The following LRRIQ1 variants were observed in gnomAD, a reference collection of about 807,000 sequenced individuals.
LRRIQ1 encodes the protein leucine rich repeats and IQ motif containing 1.
A neutral mutation model predicts 211.9 loss-of-function variants in LRRIQ1; 210 were observed. That is an observed-to-expected ratio of 0.99 (90% CI 0.89 to 1.11). LRRIQ1 has a LOEUF of 1.11. LRRIQ1 is among the 50% of genes most tolerant of loss of function. LRRIQ1 has a pLI of 0.00. For missense variants in LRRIQ1, 2,136 were observed against 1,939.5 expected, an observed-to-expected ratio of 1.10 and a Z score of -1.90; for synonymous variants, 699 against 650.1, an observed-to-expected ratio of 1.08 and a Z score of -1.14.
chr12:85,047,178 TA>T, intron 5 of LRRIQ1, 68 bp from the exon 6 acceptor site: 1 of 1,186,182 alleles, frequency 8.4e-7, no homozygotes, highest in East Asian at 2.5e-5. Context: ...AAATTACTTT[TA>T]TACTTTGAAT....
chr12:85,175,783 T>A (rs1275133689), intron 24 of LRRIQ1, among the ~76,000 whole-genome samples: 10 of 152,162 alleles, frequency 6.6e-5, no homozygotes, highest in African/African-American at 2.4e-4. Flanking sequence ...CATTGCTTGT[T>A]TTTGTTAGGT....
chr12:85,244,768 A>G (rs1384372780), intron 26 of LRRIQ1, 21 bp from the exon 27 acceptor site: 13 of 1,606,430 alleles, frequency 8.1e-6, no homozygotes, highest in Non-Finnish European at 1.1e-5. Context: ...GATTGTATAC[A>G]TTCTCTTCCA....
At chr12:85,228,246 T>C (rs905225911) in intron 24 of LRRIQ1, among the ~76,000 whole-genome samples, 2 of 152,062 alleles carry the variant, frequency 1.3e-5, no homozygotes, top group African/African-American at 4.8e-5. Context: ...ACCTACAGAA[T>C]GGGAGAAAAT....
chr12:85,140,774 C>G (rs1223546639), intron 19 of LRRIQ1, among the ~76,000 whole-genome samples: 1 of 151,128 alleles, frequency 6.6e-6, no homozygotes, highest in Admixed American at 6.6e-5. Context: ...TCCTTAGAAT[C>G]TTAGAGATTA....
intron 18 of LRRIQ1, among the ~76,000 whole-genome samples, chr12:85,136,244 G>A (rs1215229673): frequency 6.6e-6 from 1 of 151,816 alleles, no homozygotes; most frequent in Non-Finnish European, 1.5e-5. Flanking sequence ...GAAAAAAATG[G>A]GCTACTCAGA....
intron 23 of LRRIQ1, among the ~76,000 whole-genome samples, chr12:85,155,935 C>T (rs1031340808): frequency 6.6e-6 from 1 of 151,452 alleles, no homozygotes; most frequent in Admixed American, 6.6e-5. Context: ...TTAATGGCCA[C>T]GACTAGAGAT....
chr12:85,188,648 C>T (rs934026841), intron 24 of LRRIQ1, among the ~76,000 whole-genome samples: 1 of 151,970 alleles, frequency 6.6e-6, no homozygotes, highest in African/African-American at 2.4e-5. Context: ...TCCTGGAGTC[C>T]CCTTCCCACT....
intron 24 of LRRIQ1, among the ~76,000 whole-genome samples, chr12:85,196,883 A>G (rs1284544849): frequency 6.6e-6 from 1 of 152,184 alleles, no homozygotes; most frequent in Non-Finnish European, 1.5e-5. Flanking sequence ...CATCAGAGTC[A>G]ACAGGCAACC....
intron 24 of LRRIQ1, among the ~76,000 whole-genome samples, chr12:85,161,061 C>T (rs144850601): frequency 2.6e-3 from 393 of 152,018 alleles, no homozygotes; most frequent in Non-Finnish European, 4.2e-3. Context: ...GATCACATGT[C>T]GAAATGATAT....
intron 17 of LRRIQ1, among the ~76,000 whole-genome samples, chr12:85,126,434 C>T (rs1210692193): frequency 6.6e-6 from 1 of 152,188 alleles, no homozygotes; most frequent in South Asian, 2.1e-4. Flanking sequence ...TTTTATCACC[C>T]AAAGTGCCTA....
intron 24 of LRRIQ1, among the ~76,000 whole-genome samples, chr12:85,170,528 T>G (rs1325702108): frequency 6.6e-6 from 1 of 150,702 alleles, no homozygotes; most frequent in Non-Finnish European, 1.5e-5. Context: ...ATATATACTT[T>G]ATAGATACAC....
rs558554435 is a variant in LRRIQ1 at position 85,154,160 on chromosome 12, A to G, written c.4720+66A>G. The G allele has an allele frequency of 9.5e-5, 78 of 823,152 alleles. No individual in the cohort carries two copies. The Admixed American group carries it at 1.2e-3, about 13-fold the overall frequency. The allele number at this position is 823,152 out of a possible 1,614,324, so 51.0% of individuals were successfully genotyped here. A position where few individuals can be genotyped will look rare whatever the true frequency, so the allele number is the denominator to read the frequency against. Reference sequence around the variant, plus strand: ...AAATTGAAGATAACTTCTTTAAAATATATTTTATAAATTATGTTTAATAAG... The same window carrying G: ...AAATTGAAGATAACTTCTTTAAAATGTATTTTATAAATTATGTTTAATAAG... On this transcript the variant is annotated intron_variant, in intron 23 of 26. Coordinates refer to ENST00000393217, the MANE Select transcript of LRRIQ1 (RefSeq NM_001079910.2).
chr12:85,149,765 A>G (rs971154323), intron 19 of LRRIQ1, among the ~76,000 whole-genome samples: 4 of 151,872 alleles, frequency 2.6e-5, no homozygotes, highest in African/African-American at 9.6e-5. Context: ...TACCAAAAGC[A>G]TCTTTAACAT....
intron 6 of LRRIQ1, among the ~76,000 whole-genome samples, chr12:85,050,774 C>T (rs1189869490): frequency 6.6e-6 from 1 of 152,164 alleles, no homozygotes; most frequent in African/African-American, 2.4e-5. Context: ...AAATACGTTA[C>T]TTCCATGCTT....
chr12:85,207,262 T>C (rs888394749), intron 24 of LRRIQ1, among the ~76,000 whole-genome samples: 2 of 152,006 alleles, frequency 1.3e-5, no homozygotes, highest in African/African-American at 4.8e-5. Context: ...CCGTCCACTC[T>C]CAATGCCTTC....
chr12:85,118,499 G>GT (rs71445022), intron 15 of LRRIQ1, among the ~76,000 whole-genome samples: 44,332 of 127,738 alleles, frequency 0.35, 9,126 homozygotes, highest in African/African-American at 0.6. Flanking sequence ...GAAAAACTAT[G>GT]TTTTTTTTTT....
At chr12:85,237,059 A>G (rs1345968871) in intron 26 of LRRIQ1, among the ~76,000 whole-genome samples, 2 of 151,884 alleles carry the variant, frequency 1.3e-5, no homozygotes, top group Non-Finnish European at 1.5e-5. Flanking sequence ...TTTAAATTAC[A>G]TATTATTGTG....
chr12:85,059,904 AC>A (rs1881587499), intron 8 of LRRIQ1, among the ~76,000 whole-genome samples: 1 of 152,006 alleles, frequency 6.6e-6, no homozygotes, highest in African/African-American at 2.4e-5. Flanking sequence ...CCTCATTACT[AC>A]CAGTTTCACA....
At chr12:85,049,503 T>G (rs905125367) in intron 6 of LRRIQ1, among the ~76,000 whole-genome samples, 2 of 152,172 alleles carry the variant, frequency 1.3e-5, no homozygotes, top group African/African-American at 4.8e-5. Context: ...ACCTGCTTTT[T>G]CTATATGCTG....
Sources: gnomAD v4.1 joint callset for allele counts (sites outside exome capture counted in the v4.1 genomes callset) on GRCh38, gnomAD v4.1.1 for gene constraint, MANE v1.5 for transcripts, NCBI Gene and HGNC (gene_info 2026-07-23, HGNC 2026-07-21) for gene names.